The following RORA variants were observed in gnomAD, a reference collection of about 807,000 sequenced individuals.
The protein encoded by RORA is nuclear receptor ROR-alpha.
RORA carries 7 observed loss-of-function variants against 69.5 expected under a neutral mutation model. The ratio of observed to expected loss-of-function variants is 0.10; its 90% CI spans 0.06 to 0.19. RORA has a LOEUF of 0.19. Among genes scored for constraint, RORA ranks in the 10% least tolerant of loss-of-function variants. The pLI is 1.00. For synonymous variants in RORA, 261 were observed against 240.8 expected (o/e 1.08, Z -0.78); for missense variants, 457 against 663.0 (o/e 0.69, Z 3.41).
At chr15:61,089,499 C>G (rs978210124) in intron 1 of RORA, among the ~76,000 whole-genome samples, 1 of 152,284 alleles carries the variant, frequency 6.6e-6, no homozygotes, top group African/African-American at 2.4e-5. Context: ...TGGCTGAGAC[C>G]TGCATCTTTC....
At chr15:60,972,594 T>C (rs1366291510) in intron 1 of RORA, among the ~76,000 whole-genome samples, 1 of 152,144 alleles carries the variant, frequency 6.6e-6, no homozygotes, top group African/African-American at 2.4e-5. Flanking sequence ...TAAAATAAAG[T>C]CCAAAATTTC....
intron 1 of RORA, among the ~76,000 whole-genome samples, chr15:61,052,656 G>T (rs888982411): frequency 3.3e-5 from 5 of 152,172 alleles, no homozygotes; most frequent in African/African-American, 1.2e-4. Flanking sequence ...TTCTGAGAGC[G>T]CATTTTGAGA....
intron 1 of RORA, among the ~76,000 whole-genome samples, chr15:61,096,702 A>G (rs1052081394): frequency 3.3e-5 from 5 of 152,188 alleles, no homozygotes; most frequent in African/African-American, 1.2e-4. Flanking sequence ...CACAGTCAGC[A>G]AAATGTAGGC....
At chr15:61,142,158 T>A (rs950765786) in intron 1 of RORA, among the ~76,000 whole-genome samples, 17 of 150,062 alleles carry the variant, frequency 1.1e-4, no homozygotes, top group South Asian at 4.3e-4. Context: ...TTTTTTTTTT[T>A]ATTGTTGTTA....
chr15:61,208,358 T>C (rs560923468), intron 1 of RORA, among the ~76,000 whole-genome samples: 2 of 152,212 alleles, frequency 1.3e-5, no homozygotes, highest in East Asian at 3.9e-4. Flanking sequence ...AAGGAAAATC[T>C]ATATATAGAG....
chr15:61,218,563 G>C (rs2080063259), intron 1 of RORA, among the ~76,000 whole-genome samples: 1 of 151,890 alleles, frequency 6.6e-6, no homozygotes, highest in South Asian at 2.1e-4. Flanking sequence ...AAAAAATACA[G>C]AAAAGCACAA....
chr15:60,974,791 G>A (rs898888089), intron 1 of RORA, among the ~76,000 whole-genome samples: 7 of 152,172 alleles, frequency 4.6e-5, no homozygotes, highest in Admixed American at 6.5e-5. Context: ...GGGGCAAGGG[G>A]ACCACCGTAT....
At chr15:60,892,345 AT>A (rs1419983699) in intron 1 of RORA, among the ~76,000 whole-genome samples, 1 of 152,186 alleles carries the variant, frequency 6.6e-6, no homozygotes, top group Non-Finnish European at 1.5e-5. Flanking sequence ...CTCTTAACAT[AT>A]TTTTAACTTT....
chr15:61,224,004 TC>T (rs2080122883), intron 1 of RORA, among the ~76,000 whole-genome samples: 1 of 48,024 alleles, frequency 2.1e-5, no homozygotes, highest in African/African-American at 6.9e-5. Flanking sequence ...GAATTAGATA[TC>T]AAAAAAAAAA....
chr15:61,001,410 A>G (rs1164283908), intron 1 of RORA, among the ~76,000 whole-genome samples: 1 of 149,426 alleles, frequency 6.7e-6, no homozygotes, highest in Non-Finnish European at 1.5e-5. Flanking sequence ...TTTGAAGCTG[A>G]AATGTTAAGA....
At chr15:61,164,816 G>C (rs923727888) in intron 1 of RORA, among the ~76,000 whole-genome samples, 4 of 152,186 alleles carry the variant, frequency 2.6e-5, no homozygotes, top group African/African-American at 9.7e-5. Flanking sequence ...AGAGAGGTAT[G>C]GAGGGATAAC....
At chr15:60,516,685 A>T (rs1304556793) in intron 3 of RORA, among the ~76,000 whole-genome samples, 1 of 152,080 alleles carries the variant, frequency 6.6e-6, no homozygotes. Context: ...AAAAATTTTT[A>T]AAAAGCCTAC....
intron 2 of RORA, chr15:60,627,546 T>G (rs985217163): frequency 1.3e-5 from 18 of 1,374,532 alleles, no homozygotes; most frequent in Non-Finnish European, 1.7e-5. Flanking sequence ...CCATGGGCAG[T>G]GGAATCCCAG....
intron 7 of RORA, 139 bp downstream of exon 7, chr15:60,503,396 C>A: frequency 1.4e-6 from 1 of 739,666 alleles, no homozygotes. Flanking sequence ...GAAAAGAACT[C>A]CATTTCTGCT....
chr15:60,634,841 T>A (rs74322944), intron 2 of RORA, among the ~76,000 whole-genome samples: 1 of 152,164 alleles, frequency 6.6e-6, no homozygotes, highest in Non-Finnish European at 1.5e-5. Flanking sequence ...GATGTGATTG[T>A]TTTTTCAGCC....
intron 1 of RORA, among the ~76,000 whole-genome samples, chr15:61,091,450 G>A (rs770036177): frequency 1.3e-5 from 2 of 152,180 alleles, no homozygotes; most frequent in Non-Finnish European, 2.9e-5. Context: ...CCTGATGGAA[G>A]CACTTGTGTA....
intron 1 of RORA, among the ~76,000 whole-genome samples, chr15:60,950,186 C>A (rs1443695976): frequency 6.6e-6 from 1 of 151,514 alleles, no homozygotes; most frequent in Non-Finnish European, 1.5e-5. Context: ...TCCAGCCAAA[C>A]TAAGCTTCAT....
At chr15:60,870,013 A>T (rs913351244) in intron 1 of RORA, among the ~76,000 whole-genome samples, 1 of 152,206 alleles carries the variant, frequency 6.6e-6, no homozygotes, top group Admixed American at 6.5e-5. Flanking sequence ...ACTGTGGTTG[A>T]CTGGGCCAAG....
At chr15:60,691,916 C>T (rs2070833217) in intron 1 of RORA, among the ~76,000 whole-genome samples, 1 of 152,172 alleles carries the variant, frequency 6.6e-6, no homozygotes, top group Non-Finnish European at 1.5e-5. Context: ...AAAGAATCTG[C>T]AGAAAACTTT....
Sources: allele counts gnomAD v4.1 joint callset (sites outside exome capture counted in the v4.1 genomes callset), GRCh38; gene constraint gnomAD v4.1.1; transcripts MANE v1.5; gene names NCBI Gene and HGNC (gene_info 2026-07-23, HGNC 2026-07-21).